RANBP17: variants seen among roughly 807,000 people sequenced by gnomAD.
RANBP17 encodes the protein RAN binding protein 17, also known as ran-binding protein 17.
Under a neutral mutation model 141.2 loss-of-function variants are expected in RANBP17, and 158 were observed. That is an observed-to-expected ratio of 1.12 (90% CI 0.98 to 1.28). The LOEUF (loss-of-function observed/expected upper bound fraction) is 1.28. RANBP17 is among the 50% of genes most tolerant of loss of function. The pLI, the probability that RANBP17 is intolerant of heterozygous loss-of-function variation, is 0.00. For synonymous variants in RANBP17, 430 were observed against 450.0 expected (o/e 0.96, Z 0.56); for missense variants, 1,438 against 1,290.7 (o/e 1.11, Z -1.75).
chr5:171,119,370 T>C (rs904255761), intron 14 of RANBP17, among the ~76,000 whole-genome samples: 5 of 152,238 alleles, frequency 3.3e-5, no homozygotes, highest in African/African-American at 1.2e-4. Flanking sequence ...ATCGGGGTTA[T>C]ACTGACCTTA....
At chr5:170,903,810 G>T in intron 5 of RANBP17, 1 of 415,074 alleles carries the variant, frequency 2.4e-6, no homozygotes, top group South Asian at 2.2e-5. Flanking sequence ...GCCCTTTGTT[G>T]CAGTCAACAA....
chr5:171,114,016 A>G (rs957645385), intron 14 of RANBP17, among the ~76,000 whole-genome samples: 2 of 152,230 alleles, frequency 1.3e-5, no homozygotes, highest in South Asian at 4.1e-4. Context: ...TGTATTATTT[A>G]TATTAACATG....
chr5:170,946,160 G>C (rs1001253120), intron 12 of RANBP17, among the ~76,000 whole-genome samples: 3 of 152,062 alleles, frequency 2.0e-5, no homozygotes, highest in Non-Finnish European at 2.9e-5. Flanking sequence ...ACAGTACTTA[G>C]AACAGTGCCT....
intron 14 of RANBP17, among the ~76,000 whole-genome samples, chr5:171,070,369 C>A (rs1437745151): frequency 6.6e-6 from 1 of 152,118 alleles, no homozygotes; most frequent in South Asian, 2.1e-4. Flanking sequence ...AAAATGTATT[C>A]TCTTACTTGG....
intron 14 of RANBP17, among the ~76,000 whole-genome samples, chr5:171,052,166 T>G (rs1782995239): frequency 2.0e-5 from 3 of 152,120 alleles, no homozygotes; most frequent in Admixed American, 2.0e-4. Context: ...CCTTATCAAA[T>G]ACATGATTTG....
At chr5:170,879,201 A>T (rs1288179650) in intron 2 of RANBP17, among the ~76,000 whole-genome samples, 1 of 152,182 alleles carries the variant, frequency 6.6e-6, no homozygotes, top group Non-Finnish European at 1.5e-5. Context: ...GCTAAATACT[A>T]ATATCAGTCC....
At chr5:171,186,587 A>T (rs1477037442) in intron 18 of RANBP17, among the ~76,000 whole-genome samples, 1 of 101,126 alleles carries the variant, frequency 9.9e-6, no homozygotes, top group Non-Finnish European at 1.7e-5. Context: ...CCCAGGCTGG[A>T]GTGCAGTGGT....
At chr5:171,276,419 G>A (rs1419127961) in intron 25 of RANBP17, among the ~76,000 whole-genome samples, 3 of 152,154 alleles carry the variant, frequency 2.0e-5, no homozygotes, top group Non-Finnish European at 4.4e-5. Flanking sequence ...AAAAAAAGAA[G>A]CCAGCTCTTT....
intron 14 of RANBP17, among the ~76,000 whole-genome samples, chr5:170,993,754 A>G (rs1055471107): frequency 2.0e-5 from 3 of 152,054 alleles, no homozygotes; most frequent in Admixed American, 2.0e-4. Context: ...TAACCAATAT[A>G]CACTGTTTTT....
intron 21 of RANBP17, among the ~76,000 whole-genome samples, chr5:171,219,780 T>A (rs546170670): frequency 6.6e-6 from 1 of 152,160 alleles, no homozygotes; most frequent in Non-Finnish European, 1.5e-5. Context: ...TTATTCTAGT[T>A]AGCAGCTCCT....
chr5:170,893,618 C>G (rs1342163750), intron 4 of RANBP17, among the ~76,000 whole-genome samples: 6 of 151,820 alleles, frequency 4.0e-5, no homozygotes. Context: ...ACGGTGAAAC[C>G]CTGTCTCTAC....
At chr5:171,189,008 T>C (rs1561746484) in intron 18 of RANBP17, among the ~76,000 whole-genome samples, 1 of 152,254 alleles carries the variant, frequency 6.6e-6, no homozygotes, top group Non-Finnish European at 1.5e-5. Context: ...ATTCTATTCC[T>C]TTGAAATACT....
intron 14 of RANBP17, among the ~76,000 whole-genome samples, chr5:171,164,342 T>C (rs1759532566): frequency 6.6e-6 from 1 of 152,198 alleles, no homozygotes; most frequent in African/African-American, 2.4e-5. Flanking sequence ...TTTTAAAAAT[T>C]ATTTCGGCAC....
At chr5:170,877,462 A>T (rs1166424171) in intron 1 of RANBP17, among the ~76,000 whole-genome samples, 1 of 152,000 alleles carries the variant, frequency 6.6e-6, no homozygotes, top group East Asian at 1.9e-4. Flanking sequence ...GGATTTTGCC[A>T]TGTTGCCTGT....
intron 5 of RANBP17, among the ~76,000 whole-genome samples, chr5:170,907,797 A>G (rs181253340): frequency 6.6e-6 from 1 of 152,116 alleles, no homozygotes; most frequent in African/African-American, 2.4e-5. Context: ...AGGAAAAAAT[A>G]TTTTTATATA....
At chr5:171,285,186 A>G (rs1221868827) in intron 25 of RANBP17, among the ~76,000 whole-genome samples, 2 of 152,222 alleles carry the variant, frequency 1.3e-5, no homozygotes, top group African/African-American at 4.8e-5. Flanking sequence ...GCATCTTTTA[A>G]GATTCAACTT....
chr5:171,159,605 G>A (rs998254677), intron 14 of RANBP17, among the ~76,000 whole-genome samples: 5 of 152,058 alleles, frequency 3.3e-5, no homozygotes, highest in East Asian at 3.9e-4. Context: ...CTGGACCCCC[G>A]TGTCTGTGTA....
At chr5:170,910,409 C>T (rs1771435044) in intron 6 of RANBP17, 1 of 152,686 alleles carries the variant, frequency 6.5e-6, no homozygotes, top group Non-Finnish European at 1.5e-5. Flanking sequence ...AACTGCCACA[C>T]TATGTCAGAC....
chr5:171,213,082 C>CTT (rs1763006504), intron 20 of RANBP17, among the ~76,000 whole-genome samples: 1 of 151,802 alleles, frequency 6.6e-6, no homozygotes, highest in African/African-American at 2.4e-5. Flanking sequence ...TACAGTGAGA[C>CTT]CAAAAAGAGC....
Sources: allele counts gnomAD v4.1 joint callset (sites outside exome capture counted in the v4.1 genomes callset), GRCh38; gene constraint gnomAD v4.1.1; transcripts MANE v1.5; gene names NCBI Gene and HGNC (gene_info 2026-07-23, HGNC 2026-07-21).